Variants in ADGRL3 observed in about 807,000 individuals in gnomAD.
ADGRL3 encodes calcium-independent alpha-latrotoxin receptor 3.
ADGRL3 carries 62 observed loss-of-function variants against 153.5 expected under a neutral mutation model. The observed-to-expected ratio is 0.40, with a 90% CI of 0.33 to 0.50. ADGRL3 has a LOEUF of 0.50. ADGRL3 is among the 20% of genes least tolerant of loss of function. ADGRL3 has a pLI of 0.47. For synonymous variants in ADGRL3, 710 were observed against 672.5 expected (o/e 1.06, Z -0.86); for missense variants, 1,641 against 1,859.4 (o/e 0.88, Z 2.16).
chr4:61,207,866 T>A (rs1464463842), intron 1 of ADGRL3, among the ~76,000 whole-genome samples: 2 of 152,178 alleles, frequency 1.3e-5, no homozygotes, highest in Non-Finnish European at 2.9e-5. Flanking sequence ...GGTAGATTTT[T>A]CTGAGATCTG....
intron 19 of ADGRL3, among the ~76,000 whole-genome samples, chr4:61,986,170 C>T (rs1021875117): frequency 1.3e-5 from 2 of 151,998 alleles, no homozygotes; most frequent in Non-Finnish European, 2.9e-5. Context: ...TCACCTAGAT[C>T]ATGGGACTTT....
At chr4:61,250,302 G>A (rs1758745535) in intron 1 of ADGRL3, among the ~76,000 whole-genome samples, 1 of 152,196 alleles carries the variant, frequency 6.6e-6, no homozygotes, top group Admixed American at 6.5e-5. Context: ...AACCAAGGCA[G>A]CCTCAAGTGG....
rs956021577 is a variant in ADGRL3 at position 61,695,723 on chromosome 4, C to T, written c.583+18788C>T. 2.0e-5 allele frequency among the ~76,000 whole-genome samples: 3 copies of T among 152,072 alleles called. No homozygotes were observed. The East Asian group carries it at 5.8e-4, about 29-fold the overall frequency. On this transcript the variant is annotated intron_variant, in intron 6 of 26. Coordinates refer to ENST00000683033, the MANE Select transcript of ADGRL3 (RefSeq NM_001387552.1). ...AAATGTACTAGATAGCGTCTTCTTC[C>T]AATAGAAGGCTGTTTTGTCTACATT...
At chr4:61,831,939 A>C (rs2097875369) in intron 9 of ADGRL3, among the ~76,000 whole-genome samples, 1 of 152,060 alleles carries the variant, frequency 6.6e-6, no homozygotes, top group African/African-American at 2.4e-5. Flanking sequence ...TAAAGCCTGC[A>C]GATTAAGCTT....
intron 17 of ADGRL3, among the ~76,000 whole-genome samples, chr4:61,957,036 T>A (rs1039442519): frequency 1.1e-4 from 16 of 152,172 alleles, no homozygotes; most frequent in Non-Finnish European, 2.4e-4. Context: ...TTTGATTCCA[T>A]ATGAAATTCA....
intron 25 of ADGRL3, among the ~76,000 whole-genome samples, chr4:62,047,859 A>G (rs974727734): frequency 4.6e-5 from 7 of 152,116 alleles, no homozygotes; most frequent in African/African-American, 1.4e-4. Flanking sequence ...CAGCACTACT[A>G]TCAAGTTAAC....
At chr4:61,900,252 G>T (rs1344173801) in intron 11 of ADGRL3, among the ~76,000 whole-genome samples, 1 of 152,054 alleles carries the variant, frequency 6.6e-6, no homozygotes, top group Non-Finnish European at 1.5e-5. Flanking sequence ...GCTGACTTTA[G>T]TTCAAAAAAG....
At chr4:61,722,311 G>T (rs1325142970) in intron 6 of ADGRL3, among the ~76,000 whole-genome samples, 1 of 152,108 alleles carries the variant, frequency 6.6e-6, no homozygotes, top group Non-Finnish European at 1.5e-5. Context: ...GAAATCTTGT[G>T]AATTAATCTT....
chr4:61,550,261 G>A (rs999684788), intron 4 of ADGRL3, among the ~76,000 whole-genome samples: 1 of 151,404 alleles, frequency 6.6e-6, no homozygotes, highest in Non-Finnish European at 1.5e-5. Flanking sequence ...AACATAGGTA[G>A]GTTAATGGAA....
At chr4:61,399,866 A>T (rs975475060) in intron 2 of ADGRL3, among the ~76,000 whole-genome samples, 6 of 151,746 alleles carry the variant, frequency 4.0e-5, no homozygotes, top group African/African-American at 1.4e-4. Context: ...GTTAAGGTAG[A>T]CAAGAAACTC....
chr4:61,205,520 A>T (rs961980971), intron 1 of ADGRL3, among the ~76,000 whole-genome samples: 1 of 152,196 alleles, frequency 6.6e-6, no homozygotes, highest in African/African-American at 2.4e-5. Flanking sequence ...TCACTTTGGG[A>T]GGAACCCTAA....
chr4:61,753,846 T>A (rs968747010), intron 8 of ADGRL3, among the ~76,000 whole-genome samples: 1 of 152,196 alleles, frequency 6.6e-6, no homozygotes, highest in African/African-American at 2.4e-5. Context: ...GGTCCTTTTT[T>A]GAATTTGCTT....
intron 17 of ADGRL3, among the ~76,000 whole-genome samples, chr4:61,949,468 C>G (rs919990085): frequency 6.6e-6 from 1 of 151,970 alleles, no homozygotes; most frequent in Non-Finnish European, 1.5e-5. Flanking sequence ...GAGGCCAAGA[C>G]GGGAGGATCA....
chr4:61,334,442 A>G (rs967727003), intron 1 of ADGRL3, among the ~76,000 whole-genome samples: 1 of 152,140 alleles, frequency 6.6e-6, no homozygotes, highest in African/African-American at 2.4e-5. Flanking sequence ...GGTATATTTG[A>G]TATGAAGTGT....
At chr4:61,555,449 A>G (rs1383948624) in intron 4 of ADGRL3, among the ~76,000 whole-genome samples, 1 of 152,196 alleles carries the variant, frequency 6.6e-6, no homozygotes, top group Non-Finnish European at 1.5e-5. Flanking sequence ...AATTGTATTC[A>G]TTCTACTTCT....
rs114142194 is a variant in ADGRL3, at chr4:61,595,367, G to A, written c.473+7927G>A. 8.6e-3 allele frequency among the ~76,000 whole-genome samples: 1,312 copies of A among 152,210 alleles called. 15 individuals carry two copies. The highest frequency in any genetic ancestry group is 0.028 in the African/African-American group (1,156 of 41,544). ...TTTTTCAGGGCCCAAGCGTTCTTTA[G>A]TCAGCAGGTAATAAGTCCTTCCAGG... On this transcript the variant is annotated intron_variant, in intron 5 of 26. Transcript: ENST00000683033.
intron 8 of ADGRL3, among the ~76,000 whole-genome samples, chr4:61,783,117 T>C (rs968098442): frequency 7.9e-5 from 12 of 152,158 alleles, no homozygotes; most frequent in Non-Finnish European, 1.5e-4. Context: ...ACAAAAACAC[T>C]AATATCAGAG....
chr4:61,381,654 A>T (rs1287910425), intron 1 of ADGRL3, among the ~76,000 whole-genome samples: 1 of 151,894 alleles, frequency 6.6e-6, no homozygotes, highest in East Asian at 1.9e-4. Flanking sequence ...CTTAAAGGTG[A>T]TGGTATTGTA....
chr4:61,949,804 T>C (rs1348136241), intron 17 of ADGRL3, among the ~76,000 whole-genome samples: 1 of 152,238 alleles, frequency 6.6e-6, no homozygotes, highest in Non-Finnish European at 1.5e-5. Flanking sequence ...TCTTGTATAA[T>C]ATATACAAAA....
Sources: gnomAD v4.1 joint callset for allele counts (sites outside exome capture counted in the v4.1 genomes callset) on GRCh38, gnomAD v4.1.1 for gene constraint, MANE v1.5 for transcripts, NCBI Gene and HGNC (gene_info 2026-07-23, HGNC 2026-07-21) for gene names.